The following ACO1 variants were observed in gnomAD, a reference collection of about 807,000 sequenced individuals.
ACO1 encodes the protein aconitase 1.
A neutral mutation model predicts 105.1 loss-of-function variants in ACO1; 78 were observed. The observed-to-expected ratio is 0.74, with a 90% CI of 0.62 to 0.90. The LOEUF is 0.90. Ranked by LOEUF, ACO1 falls within the 40% of genes least tolerant of loss-of-function variation. The pLI is 0.00. For synonymous variants in ACO1, 364 were observed against 397.4 expected (o/e 0.92, Z 1.00); for missense variants, 965 against 1,111.1 (o/e 0.87, Z 1.87).
intron 19 of ACO1, 109 bp from the exon 20 acceptor site, chr9:32,448,787 G>A: frequency 8.8e-7 from 1 of 1,134,504 alleles, no homozygotes; most frequent in Non-Finnish European, 1.3e-6. Flanking sequence ...GCAGACTGGA[G>A]CTGTTCCTAT....
intron 4 of ACO1, among the ~76,000 whole-genome samples, chr9:32,409,038 C>T (rs866668474): frequency 2.0e-5 from 3 of 152,176 alleles, no homozygotes; most frequent in Non-Finnish European, 4.4e-5. Context: ...GTAACTGTTG[C>T]ATATCTAGCG....
chr9:32,413,356 T>G (rs1449766746), intron 4 of ACO1, among the ~76,000 whole-genome samples: 1 of 152,008 alleles, frequency 6.6e-6, no homozygotes. Flanking sequence ...TGGTGGTGCA[T>G]GCCTGTAGTC....
intron 4 of ACO1, among the ~76,000 whole-genome samples, chr9:32,409,133 C>T (rs988383916): frequency 6.6e-6 from 1 of 152,236 alleles, no homozygotes; most frequent in Non-Finnish European, 1.5e-5. Context: ...ATCCTCTCCT[C>T]TGTTCCTGCC....
At position 32,427,352 on chromosome 9, in the gene ACO1, T is replaced by C. The variant is rs1433553474; in HGVS notation, c.1400T>C (p.Ile467Thr). The C allele has an allele frequency of 6.2e-7, 1 of 1,614,044 alleles. No individual in the cohort carries two copies. The change falls in exon 12 of 21, where the codon ATC becomes ACC. Residue 467 changes from isoleucine (I) to threonine (T), a missense_variant. Coordinates refer to ENST00000309951, the MANE Select transcript of ACO1 (RefSeq NM_002197.3). ...VDAGLNVMPY[I>T]KTSLSPGSGV... ...GCTGGCCTGAACGTGATGCCTTACA[T>C]CAAAACTAGCCTGTCTCCTGGGAGT...
At position 32,440,570 on chromosome 9, in the gene ACO1, AAG is replaced by A. The variant is rs768503238; in HGVS notation, c.2354_2355del (p.Lys785ArgfsTer22). 5.0e-6 allele frequency: 8 copies of A among 1,613,664 alleles called. No individual in the cohort carries two copies. Among genetic ancestry groups the A allele is most frequent in the Non-Finnish European group, 5.9e-6 (7 of 1,179,778 alleles). On this transcript the variant is annotated frameshift_variant, in exon 19 of 21. Coordinates refer to ENST00000309951, the MANE Select transcript of ACO1 (RefSeq NM_002197.3). LOFTEE classifies it high-confidence loss of function. The stretch of plus-strand genomic sequence containing the variant: ...AGGCAGCTCCCGAGACTGGGCAGCT[AAG>A]GGCCCTTTCCTGCTGGTGAGTATGA... Reference protein sequence around the residue: ...GAGSSRDWAAKGPFLLGIKAV... With the variant: ...GAGSSRDWAAXGPFLLGIKAV...
chr9:32,406,584 C>T (rs941393105), intron 2 of ACO1, among the ~76,000 whole-genome samples: 1 of 152,176 alleles, frequency 6.6e-6, no homozygotes, highest in African/African-American at 2.4e-5. Flanking sequence ...GATCACACCA[C>T]TACACTCCAG....
At chr9:32,394,659 T>C (rs893218132) in intron 1 of ACO1, among the ~76,000 whole-genome samples, 6 of 152,176 alleles carry the variant, frequency 3.9e-5, no homozygotes, top group Admixed American at 6.5e-5. Context: ...TCCAGTTCCC[T>C]CTCTCAGCAC....
At chr9:32,385,479 TGTAA>T (rs369502344) in intron 1 of ACO1, among the ~76,000 whole-genome samples, 20 of 152,350 alleles carry the variant, frequency 1.3e-4, no homozygotes, top group East Asian at 1.9e-4. Context: ...ATTTATAATA[TGTAA>T]GTAAGACTGA....
intron 11 of ACO1, among the ~76,000 whole-genome samples, chr9:32,426,978 CT>C (rs201437679): frequency 0.019 from 1,396 of 74,778 alleles, 22 homozygotes; most frequent in African/African-American, 0.064. Context: ...GATTTTCCCT[CT>C]AAAAAAAAAA....
At chr9:32,404,923 T>A (rs190795972) in intron 1 of ACO1, among the ~76,000 whole-genome samples, 11 of 152,208 alleles carry the variant, frequency 7.2e-5, no homozygotes, top group African/African-American at 2.7e-4. Flanking sequence ...CCCTGGATAA[T>A]TCTAATGCAG....
rs777891541 is a variant in ACO1, at chr9:32,425,949, A to G, written c.1300A>G (p.Ile434Val). ...LAHGSVVIAAITSCTNTSNPS... is the reference protein window; with the variant it reads ...LAHGSVVIAAVTSCTNTSNPS... ...TCATGGTTCTGTGGTCATTGCTGCC[A>G]TTACTAGCTGCACAAACACCAGTAA... The change falls in exon 11 of 21, where the codon ATT becomes GTT. Residue 434 changes from isoleucine to valine, a missense_variant. Ile to Val is a conservative substitution (Grantham distance 29, BLOSUM62 3). Coordinates refer to ENST00000309951, the MANE Select transcript of ACO1 (RefSeq NM_002197.3). 1.2e-6 allele frequency: 2 copies of G among 1,614,106 alleles called. No homozygotes were observed. Among genetic ancestry groups the G allele is most frequent in the East Asian group, 2.2e-5 (1 of 44,884 alleles).
intron 11 of ACO1, 62 bp downstream of exon 11, chr9:32,426,059 C>A (rs1007485659): frequency 6.5e-7 from 1 of 1,538,172 alleles, no homozygotes; most frequent in Non-Finnish European, 8.9e-7. Context: ...TAGCCCGAGA[C>A]AGGGCCCAGG....
intron 5 of ACO1, 48 bp downstream of exon 5, chr9:32,418,245 G>C: frequency 6.2e-7 from 1 of 1,612,458 alleles, no homozygotes; most frequent in African/African-American, 1.3e-5. Context: ...TGTAGGCAGG[G>C]TACGAGGGAG....
At chr9:32,424,046 A>G (rs1295092052) in intron 9 of ACO1, among the ~76,000 whole-genome samples, 1 of 152,198 alleles carries the variant, frequency 6.6e-6, no homozygotes, top group Non-Finnish European at 1.5e-5. Flanking sequence ...CAACAAGGTA[A>G]ACTAGCCCTG....
rs1312235701 is a variant in ACO1, at chr9:32,425,911, A to AGTTC, written c.1262_1263insGTTC (p.Thr423IlefsTer15). Reference sequence around the variant, plus strand: ...AAGACCTTTATCTATGATAACACTGAATTCACCCTTGCTCATGGTTCTGTG... The same window carrying AGTTC: ...AAGACCTTTATCTATGATAACACTGAGTTCATTCACCCTTGCTCATGGTTCTGTG... On this transcript the variant is annotated frameshift_variant, in exon 11 of 21. Transcript: ENST00000309951. LOFTEE classifies it high-confidence loss of function. The AGTTC allele has an allele frequency of 5.6e-6, 9 of 1,613,922 alleles. No individual in the cohort carries two copies. The African/African-American group carries it at 1.2e-4, about 22-fold the overall frequency.
intron 7 of ACO1, among the ~76,000 whole-genome samples, chr9:32,419,723 G>GTATTATAAGT (rs1028584566): frequency 2.0e-5 from 3 of 152,172 alleles, no homozygotes; most frequent in Non-Finnish European, 2.9e-5. Flanking sequence ...TCTCTTCTCT[G>GTATTATAAGT]TATTATAAGT....
intron 1 of ACO1, among the ~76,000 whole-genome samples, chr9:32,387,950 G>A (rs1417698143): frequency 6.6e-6 from 1 of 152,212 alleles, no homozygotes; most frequent in Non-Finnish European, 1.5e-5. Context: ...AGAAACTTGA[G>A]TCTCCAAGAT....
At chr9:32,384,827 G>A (rs882812) in intron 1 of ACO1, 92 bp downstream of exon 1, 44,385 of 249,322 alleles carry the variant, frequency 0.18, 4,880 homozygotes, top group South Asian at 0.29. Context: ...TTACCGAGGT[G>A]CCCGAGGCAG....
chr9:32,431,668 T>G, intron 14 of ACO1, 51 bp from the exon 15 acceptor site: 1 of 1,606,194 alleles, frequency 6.2e-7, no homozygotes, highest in Non-Finnish European at 8.5e-7. Flanking sequence ...TGTATAATCA[T>G]GAAAATTGCA....
Sources: allele counts gnomAD v4.1 joint callset (sites outside exome capture counted in the v4.1 genomes callset), GRCh38; gene constraint gnomAD v4.1.1; transcripts MANE v1.5; gene names NCBI Gene and HGNC (gene_info 2026-07-23, HGNC 2026-07-21).